Variants in ERAP1 observed in about 807,000 individuals in gnomAD.
ERAP1 encodes the protein endoplasmic reticulum aminopeptidase 1, also known as adipocyte-derived leucine aminopeptidase.
In ERAP1, 86 loss-of-function variants were observed where a neutral mutation model predicts 103.7. The observed-to-expected ratio is 0.83, with a 90% CI of 0.70 to 0.99. The LOEUF (loss-of-function observed/expected upper bound fraction) is 0.99, where lower values mean the gene tolerates loss of function less well. Among genes scored for constraint, ERAP1 ranks in the 50% least tolerant of loss-of-function variants. The pLI is 0.00. For synonymous variants in ERAP1, 398 were observed against 402.4 expected, an observed-to-expected ratio of 0.99 and a Z score of 0.13; for missense variants, 1,009 against 1,128.4, an observed-to-expected ratio of 0.89 and a Z score of 1.52.
At position 96,800,922 on chromosome 5, in the gene ERAP1, T is replaced by C. The variant is rs774793847; in HGVS notation, c.603A>G (p.Ala201=). ...CTCTTCTAATTTTGATTGAGAAACT[T>C]GCTTTGAAGGCAGGTTCATCAAAGC... is the stretch of plus-strand genomic sequence containing the variant. ...FPCFDEPAFK[A]SFSIKIRREP... Residue 201 remains alanine (A), a synonymous_variant, in exon 3 of 19, where the codon GCA becomes GCG. Transcript: ENST00000443439. 4.3e-6 allele frequency: 7 copies of C among 1,614,186 alleles called. No individual in the cohort carries two copies. Among genetic ancestry groups the C allele is most frequent in the Non-Finnish European group, 5.9e-6 (7 of 1,180,032 alleles).
the ERAP1 span, among the ~76,000 whole-genome samples, chr5:96,920,804 G>T: frequency 1.3e-5 from 2 of 152,174 alleles, no homozygotes; most frequent in African/African-American, 4.8e-5. Flanking sequence ...TCAAAGCCAG[G>T]TCTCCAAATC....
intron 15 of ERAP1, among the ~76,000 whole-genome samples, 156 bp from the exon 16 acceptor site, chr5:96,782,010 T>C (rs1213893094): frequency 1.1e-3 from 13 of 11,508 alleles, no homozygotes; most frequent in Non-Finnish European, 3.1e-3. Context: ...CAGTTACAAT[T>C]TTTTTTTTTT....
chr5:96,793,920 C>T lies in ERAP1; in HGVS notation c.957G>A (p.Met319Ile), dbSNP rs2150964494. ...AAIPDFQSGA[M>I]ENWGLTTYRE... ...TATATGTTGTCAGTCCCCAGTTTTC[C>T]ATAGCACCAGACTGAAAGTCGGGAA... The change falls in exon 6 of 19, where the codon ATG becomes ATA. Residue 319 changes from methionine to isoleucine, a missense_variant. By Grantham distance (10) the Met-to-Ile change is conservative. Around this residue, in one of 3 missense-constraint regions of ERAP1, gnomAD observed 392 missense variants for 455.2 expected, o/e 0.86. Coordinates refer to ENST00000443439, the MANE Select transcript of ERAP1 (RefSeq NM_001040458.3). The T allele has an allele frequency of 1.9e-6, 3 of 1,614,168 alleles. 1 individual carries two copies. The South Asian group carries it at 3.3e-5, about 18-fold the overall frequency.
the ERAP1 span, among the ~76,000 whole-genome samples, chr5:96,852,867 G>A: frequency 6.6e-6 from 1 of 152,034 alleles, no homozygotes; most frequent in Non-Finnish European, 1.5e-5. Flanking sequence ...TCTTACTTCT[G>A]CACATGCTAC....
the ERAP1 span, among the ~76,000 whole-genome samples, chr5:96,882,897 C>A: frequency 6.6e-6 from 1 of 152,198 alleles, no homozygotes; most frequent in Non-Finnish European, 1.5e-5. Flanking sequence ...TCTATTCCCC[C>A]CTCCTTTTCC....
In ERAP1 at chr5:96,793,957, T is replaced by G; in HGVS notation, c.920A>C (p.Asp307Ala). ...CTGAAAGTCGGGAATAGCAGCAAGA[T>G]CTTGGGAAGGAAGTAATAAAATACA... ...FSIPYPLPKQ[D>A]LAAIPDFQSG... Residue 307 changes from aspartate (D) to alanine (A), a missense_variant and splice_region_variant, in exon 6 of 19, where the codon GAT (aspartate) becomes GCT (alanine). Around this residue, in one of 3 missense-constraint regions of ERAP1, gnomAD observed 392 missense variants for 455.2 expected, o/e 0.86. Coordinates refer to ENST00000443439, the MANE Select transcript of ERAP1 (RefSeq NM_001040458.3). 1.2e-6 allele frequency: 2 copies of G among 1,614,044 alleles called. No individual in the cohort carries two copies. The highest frequency in any genetic ancestry group is 1.7e-6 in the Non-Finnish European group (2 of 1,179,912).
At chr5:96,897,820 A>C in the ERAP1 span, among the ~76,000 whole-genome samples, 3 of 152,358 alleles carry the variant, frequency 2.0e-5, no homozygotes, top group South Asian at 6.2e-4. Context: ...TAGACAGAAG[A>C]GATCCTTTCT....
chr5:96,803,065 AC>A (rs1561289822), intron 2 of ERAP1, among the ~76,000 whole-genome samples: 1 of 152,138 alleles, frequency 6.6e-6, no homozygotes, highest in African/African-American at 2.4e-5. Flanking sequence ...GTTTATAGCT[AC>A]CCAGTCTGTG....
At chr5:96,908,944 T>A in the ERAP1 span, 2 of 1,606,810 alleles carry the variant, frequency 1.2e-6, no homozygotes, top group African/African-American at 1.3e-5. Context: ...ACCACTGACA[T>A]TTGTTTTATA....
chr5:96,896,674 C>G, the ERAP1 span: 1 of 1,504,424 alleles, frequency 6.6e-7, no homozygotes, highest in South Asian at 1.3e-5. Flanking sequence ...CCTTTAAAAA[C>G]ATACCATACT....
the ERAP1 span, among the ~76,000 whole-genome samples, chr5:96,815,075 G>A: frequency 6.6e-6 from 1 of 152,292 alleles, no homozygotes; most frequent in East Asian, 1.9e-4. Context: ...CTAACTCCCT[G>A]TCCATAAGAG....
chr5:96,909,451 C>A, the ERAP1 span: 16 of 730,734 alleles, frequency 2.2e-5, no homozygotes, highest in East Asian at 3.6e-4. Context: ...AAGAGAAATA[C>A]GAAGATACAC....
the ERAP1 span, among the ~76,000 whole-genome samples, chr5:96,887,694 C>T: frequency 1.3e-5 from 2 of 152,142 alleles, no homozygotes; most frequent in Non-Finnish European, 2.9e-5. Context: ...TACAACAATA[C>T]CTAATGATTA....
chr5:96,781,493 A>C (rs1482906981), intron 16 of ERAP1, among the ~76,000 whole-genome samples, 200 bp downstream of exon 16: 1 of 152,212 alleles, frequency 6.6e-6, no homozygotes, highest in Non-Finnish European at 1.5e-5. Context: ...AGATGCACAA[A>C]TGTATACACC....
At chr5:96,835,425 T>C in the ERAP1 span, among the ~76,000 whole-genome samples, 1 of 152,204 alleles carries the variant, frequency 6.6e-6, no homozygotes, top group Non-Finnish European at 1.5e-5. Flanking sequence ...GAAGCTCAGA[T>C]GCTGGTCTCA....
At chr5:96,920,137 C>CCT in the ERAP1 span, among the ~76,000 whole-genome samples, 10,691 of 152,060 alleles carry the variant, frequency 0.07, 450 homozygotes, top group Middle Eastern at 0.15. Flanking sequence ...ATGGCGAAAC[C>CCT]GTTTCCACAA....
At position 96,803,696 on chromosome 5, in the gene ERAP1, C is replaced by A; in HGVS notation, c.231G>T (p.Trp77Cys). ...CTGTGATTTCTACTTTCGTGGTTCC[C>A]CAGAAGGTCAGCGTGGTAAGGTTTG... ...IHANLTTLTF[W>C]GTTKVEITAS... Residue 77 changes from tryptophan to cysteine, a missense_variant, in exon 2 of 19, where the codon TGG becomes TGT. Coordinates refer to ENST00000443439, the MANE Select transcript of ERAP1 (RefSeq NM_001040458.3). 6.2e-7 allele frequency: 1 copy of A among 1,614,142 alleles called. No individual in the cohort carries two copies. Among genetic ancestry groups the A allele is most frequent in the South Asian group, 1.1e-5 (1 of 91,082 alleles).
Position 96,783,107 on chromosome 5 carries a change from G to A in ERAP1, c.2229C>T (p.Cys743=), listed in dbSNP as rs146423238. Residue 743 remains cysteine, a synonymous_variant, in exon 15 of 19, where the codon TGC becomes TGT. Coordinates refer to ENST00000443439, the MANE Select transcript of ERAP1 (RefSeq NM_001040458.3). The part of the protein sequence containing the change: ...LLACVHNYQP[C]VQRAEGYFRK... ...TGAAATAGCCTTCTGCCCTCTGTAC[G>A]CACGGCTGATAGTTGTGCACACAGG... is the stretch of plus-strand genomic sequence containing the variant. 5.7e-3 allele frequency: 9,152 copies of A among 1,614,120 alleles called. 88 individuals carry two copies. The highest frequency in any genetic ancestry group is 0.023 in the South Asian group (2,080 of 91,084).
At chr5:96,831,810 C>T in the ERAP1 span, among the ~76,000 whole-genome samples, 2 of 152,226 alleles carry the variant, frequency 1.3e-5, no homozygotes, top group Non-Finnish European at 2.9e-5. Flanking sequence ...ACGTCTTTCC[C>T]TCTTTCCATT....
Sources: allele counts gnomAD v4.1 joint callset (sites outside exome capture counted in the v4.1 genomes callset), GRCh38; gene constraint gnomAD v4.1.1; regional missense constraint gnomAD v4.1.1; transcripts MANE v1.5; gene names NCBI Gene and HGNC (gene_info 2026-07-23, HGNC 2026-07-21).